Variants in CTNNA2 observed in about 807,000 individuals in gnomAD.
CTNNA2 encodes catenin alpha 2.
Under a neutral mutation model 101.0 loss-of-function variants are expected in CTNNA2, and 42 were observed. The ratio of observed to expected loss-of-function variants is 0.42; its 90% confidence interval spans 0.32 to 0.54. The LOEUF (loss-of-function observed/expected upper bound fraction) is 0.54, where lower values mean the gene tolerates loss of function less well. CTNNA2 is among the 20% of genes least tolerant of loss of function. The pLI is 0.14. For synonymous variants in CTNNA2, 450 were observed against 456.4 expected (o/e 0.99, Z 0.18); for missense variants, 871 against 1,223.1 (o/e 0.71, Z 4.29).
chr2:79,236,583 G>C (rs977934245), intron 2 of CTNNA2, among the ~76,000 whole-genome samples: 4 of 152,186 alleles, frequency 2.6e-5, no homozygotes, highest in African/African-American at 9.7e-5. Context: ...ATTCAATGCT[G>C]TCTGATAGCC....
intron 3 of CTNNA2, among the ~76,000 whole-genome samples, chr2:79,814,142 A>G (rs187337884): frequency 2.0e-3 from 310 of 152,244 alleles, no homozygotes; most frequent in Non-Finnish European, 3.7e-3. Flanking sequence ...TAACTAATAC[A>G]TGAGTGCTCC....
chr2:80,168,263 C>T (rs894362482), intron 7 of CTNNA2, among the ~76,000 whole-genome samples: 7 of 152,126 alleles, frequency 4.6e-5, no homozygotes, highest in African/African-American at 1.7e-4. Context: ...GGAAGACTCT[C>T]TGACCCTAAG....
chr2:79,258,650 A>G (rs1674878087), intron 2 of CTNNA2, among the ~76,000 whole-genome samples: 1 of 152,094 alleles, frequency 6.6e-6, no homozygotes, highest in South Asian at 2.1e-4. Context: ...TCACTGGAGG[A>G]TGTCAAGTAG....
rs548859292 is a variant in CTNNA2 at position 80,168,333 on chromosome 2, G to A, written c.1057-224878G>A. Among the ~76,000 whole-genome samples the A allele has an allele frequency of 3.3e-4, 51 of 152,256 alleles. No homozygotes were observed. The South Asian group carries it at 4.4e-3, about 13-fold the overall frequency. On this transcript the variant is annotated intron_variant, in intron 7 of 18. Transcript: ENST00000402739. ...AATAGGTGACAGGCATTGAGGTGCA[G>A]GGATGTGGGGACAATTTGAAAGAAA...
intron 7 of CTNNA2, among the ~76,000 whole-genome samples, chr2:80,064,494 T>C (rs1411398688): frequency 6.6e-6 from 1 of 152,216 alleles, no homozygotes; most frequent in Non-Finnish European, 1.5e-5. Context: ...CAATTGGAAC[T>C]GCATTCAGCT....
intron 9 of CTNNA2, among the ~76,000 whole-genome samples, chr2:80,463,198 T>G (rs113300062): frequency 0.029 from 4,346 of 152,302 alleles, 193 homozygotes; most frequent in African/African-American, 0.099. Context: ...ACATGGTTCT[T>G]TAACTGTTGT....
At chr2:79,481,161 C>A (rs1671105643) in intron 4 of CTNNA2, among the ~76,000 whole-genome samples, 1 of 151,896 alleles carries the variant, frequency 6.6e-6, no homozygotes, top group Non-Finnish European at 1.5e-5. Flanking sequence ...TTTACCAGCC[C>A]TGATTAAAAT....
At chr2:80,248,327 T>C (rs558819800) in intron 7 of CTNNA2, among the ~76,000 whole-genome samples, 1 of 152,276 alleles carries the variant, frequency 6.6e-6, no homozygotes, top group East Asian at 1.9e-4. Context: ...ATTCTTCTTG[T>C]TGTTTCAGAT....
intron 1 of CTNNA2, among the ~76,000 whole-genome samples, chr2:79,555,358 A>G (rs772129496): frequency 9.9e-5 from 15 of 152,158 alleles, no homozygotes; most frequent in Non-Finnish European, 1.6e-4. Flanking sequence ...GGGGAGGGAA[A>G]GGTGAGAGTG....
intron 3 of CTNNA2, among the ~76,000 whole-genome samples, chr2:79,796,579 T>C (rs1675721140): frequency 6.6e-6 from 1 of 152,128 alleles, no homozygotes; most frequent in African/African-American, 2.4e-5. Flanking sequence ...TAAGGACACA[T>C]GGAGGCAGGC....
At chr2:80,438,518 A>G (rs997845056) in intron 9 of CTNNA2, among the ~76,000 whole-genome samples, 2 of 152,024 alleles carry the variant, frequency 1.3e-5, no homozygotes, top group Non-Finnish European at 2.9e-5. Flanking sequence ...CTCATTATTT[A>G]TGCCAATTAT....
chr2:80,174,884 T>C (rs1314657114), intron 7 of CTNNA2, among the ~76,000 whole-genome samples: 1 of 152,188 alleles, frequency 6.6e-6, no homozygotes, highest in African/African-American at 2.4e-5. Context: ...TGGACCACCA[T>C]ACAGCCTCCC....
At chr2:80,046,227 T>C (rs1198545438) in intron 7 of CTNNA2, among the ~76,000 whole-genome samples, 6 of 152,180 alleles carry the variant, frequency 3.9e-5, no homozygotes, top group African/African-American at 1.4e-4. Flanking sequence ...GCCATGCCTC[T>C]CCTGAACTGG....
At chr2:79,622,001 G>A (rs1173550213) in intron 1 of CTNNA2, among the ~76,000 whole-genome samples, 1 of 152,196 alleles carries the variant, frequency 6.6e-6, no homozygotes, top group Non-Finnish European at 1.5e-5. Context: ...TCGGAAGCCT[G>A]AGGAGACATG....
intron 4 of CTNNA2, among the ~76,000 whole-genome samples, chr2:79,463,692 T>C (rs140132036): frequency 6.6e-6 from 1 of 152,260 alleles, no homozygotes; most frequent in East Asian, 1.9e-4. Context: ...AAGAAAGTGA[T>C]TATGTGGAAA....
chr2:80,077,875 G>A (rs941709471), intron 7 of CTNNA2, among the ~76,000 whole-genome samples: 11 of 152,232 alleles, frequency 7.2e-5, no homozygotes, highest in Admixed American at 2.6e-4. Context: ...TGCAGGTGTG[G>A]TTATAAAGGC....
intron 17 of CTNNA2, 63 bp from the exon 18 acceptor site, chr2:80,619,022 C>CTTTTTTTTTTTTTTTTTTT (rs56987036): frequency 2.2e-6 from 2 of 889,228 alleles, no homozygotes; most frequent in Non-Finnish European, 1.5e-6. Context: ...AAGTAGGGTA[C>CTTTTTTTTTTTTTTTTTTT]TTTTTTTTTT....
intron 4 of CTNNA2, among the ~76,000 whole-genome samples, chr2:79,397,208 T>G (rs1678242752): frequency 1.3e-5 from 2 of 152,204 alleles, no homozygotes; most frequent in Admixed American, 1.3e-4. Flanking sequence ...CATTTATCTT[T>G]TCTTTGTGTT....
chr2:80,484,447 G>A (rs1041263746), intron 9 of CTNNA2, among the ~76,000 whole-genome samples: 1 of 152,106 alleles, frequency 6.6e-6, no homozygotes, highest in African/African-American at 2.4e-5. Context: ...ATAATACTTG[G>A]CTCATTGGCT....
Sources: gnomAD v4.1 joint callset for allele counts (sites outside exome capture counted in the v4.1 genomes callset) on GRCh38, gnomAD v4.1.1 for gene constraint, MANE v1.5 for transcripts, NCBI Gene and HGNC (gene_info 2026-07-23, HGNC 2026-07-21) for gene names.